Variants in HUS1 observed in about 807,000 individuals in gnomAD.
The protein encoded by HUS1 is checkpoint protein HUS1.
A neutral mutation model predicts 32.6 loss-of-function variants in HUS1; 31 were observed. The ratio of observed to expected loss-of-function variants is 0.95; its 90% CI spans 0.72 to 1.28. The LOEUF is 1.28. Among genes scored for constraint, HUS1 ranks in the 50% most tolerant of loss-of-function variants. The probability of loss-of-function intolerance (pLI) is 0.00; values close to 1 mark genes in which losing one functional copy is unlikely to be tolerated. For synonymous variants in HUS1, 123 were observed against 116.6 expected (o/e 1.06, Z -0.36); for missense variants, 340 against 337.7 (o/e 1.01, Z -0.05).
chr7:47,978,231 T>C (rs955716819), intron 3 of HUS1, 186 bp downstream of exon 3: 12 of 531,968 alleles, frequency 2.3e-5, no homozygotes, highest in Middle Eastern at 1.0e-3. Context: ...ATGCATATGA[T>C]AACAACACAA....
chr7:47,977,111 G>C (rs1380430047), intron 3 of HUS1, among the ~76,000 whole-genome samples: 1 of 152,108 alleles, frequency 6.6e-6, no homozygotes, highest in Non-Finnish European at 1.5e-5. Flanking sequence ...GCAAACAAAT[G>C]AAACTGTATG....
intron 1 of HUS1, 176 bp from the exon 2 acceptor site, chr7:47,978,992 A>C (rs2128766956): frequency 1.6e-6 from 1 of 620,924 alleles, no homozygotes; most frequent in South Asian, 1.9e-5. Context: ...TCTCCCAACA[A>C]ACTAGGGGAG....
chr7:47,978,543 A>G lies in HUS1; in HGVS notation c.231T>C (p.Asn77=). 1 of 1,614,198 alleles carries G rather than the reference A, an allele frequency of 6.2e-7. No homozygotes were observed. The highest frequency in any genetic ancestry group is 2.2e-5 in the East Asian group (1 of 44,886). The change falls in exon 3 of 8, where the codon AAT becomes AAC. Residue 77 remains asparagine, a synonymous_variant. Coordinates refer to ENST00000258774, the MANE Select transcript of HUS1 (RefSeq NM_004507.4). ...FQMEGVSAEN[N]EIYLELTSEN... is the part of the protein sequence containing the mutation. ...CCGATGTTAGCTCTAAATAAATCTCATTGTTTTCTGCAGAGACACCCTCCA... is the reference window on the plus strand; with the variant it reads ...CCGATGTTAGCTCTAAATAAATCTCGTTGTTTTCTGCAGAGACACCCTCCA...
In HUS1 at chr7:47,975,748, C is replaced by G. The variant is rs926874764; in HGVS notation, c.466-61G>C. 5 of 927,464 alleles carry G rather than the reference C, an allele frequency of 5.4e-6. No homozygotes were observed. The African/African-American group carries it at 6.8e-5, about 13-fold the overall frequency. The allele number at this position is 927,464 out of a possible 1,614,324, so 57.5% of individuals were successfully genotyped here. A position where few individuals can be genotyped will look rare whatever the true frequency, so the allele number is the denominator to read the frequency against. ...AAATATTAATATACTCTAGTAATGA[C>G]AAGGGCCCCATAACTAACTCTAGAA... On this transcript the variant is annotated intron_variant, in intron 4 of 7. Transcript: ENST00000258774.
At chr7:47,974,213 G>A (rs909862465) in intron 5 of HUS1, among the ~76,000 whole-genome samples, 3 of 152,162 alleles carry the variant, frequency 2.0e-5, no homozygotes, top group African/African-American at 7.2e-5. Context: ...ACTTATTGCT[G>A]CCTACTGAGT....
chr7:47,971,880 A>C (rs1430104144), intron 5 of HUS1, among the ~76,000 whole-genome samples: 3 of 152,188 alleles, frequency 2.0e-5, no homozygotes, highest in Admixed American at 2.0e-4. Flanking sequence ...TATTCCTTAA[A>C]ATTGGTGAAC....
chr7:47,979,380 C>T (rs1057448010), intron 1 of HUS1, 88 bp downstream of exon 1: 2 of 1,545,120 alleles, frequency 1.3e-6, no homozygotes, highest in Non-Finnish European at 1.8e-6. Flanking sequence ...GGCGCCCATC[C>T]CCGTTCTGAT....
At position 47,971,541 on chromosome 7, in the gene HUS1, T is replaced by C. The variant is rs761467945; in HGVS notation, c.541-2223A>G. The C allele has an allele frequency of 1.8e-5, 8 of 456,582 alleles. No homozygotes were observed. The East Asian group carries it at 5.6e-4, about 32-fold the overall frequency. 28.3% of individuals were successfully genotyped at this position (456,582 alleles called of 1,614,324 possible). On this transcript the variant is annotated intron_variant, in intron 5 of 7. Transcript: ENST00000258774. ...CCTAGAAGTGAAGCATATGCCACAG[T>C]ATGGTTTGAGGTTTTGCTAACCTAT...
Position 47,976,749 on chromosome 7 carries a change from G to A in HUS1, c.446C>T (p.Pro149Leu), listed in dbSNP as rs765725449. 65 of 1,609,822 alleles carry A rather than the reference G, an allele frequency of 4.0e-5. No individual in the cohort carries two copies. The African/African-American group carries it at 5.7e-4, about 14-fold the overall frequency. The change falls in exon 4 of 8, where the codon CCG becomes CTG. Residue 149 changes from proline (P) to leucine (L), a missense_variant. Coordinates refer to ENST00000258774, the MANE Select transcript of HUS1 (RefSeq NM_004507.4). Reference protein sequence around the residue: ...PRKLWKDLQEPVVPDPDVSIY... With the variant: ...PRKLWKDLQELVVPDPDVSIY... ...ACCTACATCAGGATCTGGGACCACC[G>A]GTTCTTGTAAGTCCTTCCACAATTT...
intron 7 of HUS1, 96 bp from the exon 8 acceptor site, chr7:47,965,534 GT>G: frequency 1.3e-6 from 1 of 773,064 alleles, no homozygotes; most frequent in Non-Finnish European, 2.2e-6. Context: ...TGCACCTCCT[GT>G]TTTAGGCATC....
At chr7:47,979,336 C>T (rs1788776724) in intron 1 of HUS1, 132 bp downstream of exon 1, 1 of 934,802 alleles carries the variant, frequency 1.1e-6, no homozygotes. Context: ...CACCAGCACC[C>T]CCATCCCGGC....
At chr7:47,967,750 C>G (rs2128764588) in intron 7 of HUS1, 56 bp downstream of exon 7, 1 of 1,451,740 alleles carries the variant, frequency 6.9e-7, no homozygotes, top group Non-Finnish European at 9.4e-7. Context: ...CTAGAGTTGA[C>G]TGCAGTATTT....
intron 7 of HUS1, among the ~76,000 whole-genome samples, chr7:47,966,051 A>G (rs532813892): frequency 6.6e-6 from 1 of 151,708 alleles, no homozygotes; most frequent in South Asian, 2.1e-4. Context: ...TGAGTGAGTG[A>G]CAAGAAACCA....
At chr7:47,975,855 A>G (rs1349855223) in intron 4 of HUS1, among the ~76,000 whole-genome samples, 168 bp from the exon 5 acceptor site, 1 of 152,246 alleles carries the variant, frequency 6.6e-6, no homozygotes, top group Non-Finnish European at 1.5e-5. Flanking sequence ...AAGAAAACCA[A>G]TTCTATTTCA....
At chr7:47,966,809 G>A (rs1004101937) in intron 7 of HUS1, among the ~76,000 whole-genome samples, 1 of 152,120 alleles carries the variant, frequency 6.6e-6, no homozygotes, top group South Asian at 2.1e-4. Context: ...TTAAAATGCA[G>A]CACAGGTACC....
rs1044544136 is a variant in HUS1 at position 47,979,586 on chromosome 7, C to T, written c.-67G>A. ...AGAAAAGCGTCGCGCCCTGAGTGTCCCCGCCCGGAAACACGGCAGCGCGAA... is the reference window on the plus strand; with the variant it reads ...AGAAAAGCGTCGCGCCCTGAGTGTCTCCGCCCGGAAACACGGCAGCGCGAA... On this transcript the variant is annotated 5_prime_UTR_variant, in exon 1 of 8. Transcript: ENST00000258774. The T allele has an allele frequency of 2.3e-5, 30 of 1,284,318 alleles. No homozygotes were observed. In the African/African-American group the frequency reaches 4.2e-4, roughly 18 times the overall value. 79.6% of individuals were successfully genotyped at this position (1,284,318 alleles called of 1,614,324 possible). A position where few individuals can be genotyped will look rare whatever the true frequency, so the allele number is the denominator to read the frequency against.
chr7:47,966,126 G>C (rs944212106), intron 7 of HUS1, among the ~76,000 whole-genome samples: 4 of 51,046 alleles, frequency 7.8e-5, no homozygotes, highest in African/African-American at 5.3e-4. Context: ...GACCAGAAAG[G>C]ACAAGCAGGA....
rs774286190 is a variant in HUS1 at position 47,975,672 on chromosome 7, G to A, written c.481C>T (p.Pro161Ser). 10 of 1,587,890 alleles carry A rather than the reference G, an allele frequency of 6.3e-6. No homozygotes were observed. Among genetic ancestry groups the A allele is most frequent in the Non-Finnish European group, 8.6e-6 (10 of 1,160,698 alleles). The change falls in exon 5 of 8, where the codon CCA becomes TCA. Residue 161 changes from proline to serine, a missense_variant. Coordinates refer to ENST00000258774, the MANE Select transcript of HUS1 (RefSeq NM_004507.4). The part of the protein sequence containing the change: ...VPDPDVSIYL[P>S]VLKTMKSVVE... ...ACACTCTTCATAGTCTTCAAGACTG[G>A]TAAATAAATACTAACCTACAAAACC...
Position 47,979,567 on chromosome 7 carries a change from G to A in HUS1, c.-48C>T. On this transcript the variant is annotated 5_prime_UTR_variant, in exon 1 of 8. Transcript: ENST00000258774. ...GCGGGCCTCTGTGGGTAACAGAAAA[G>A]CGTCGCGCCCTGAGTGTCCCCGCCC... 6.7e-7 allele frequency: 1 copy of A among 1,493,332 alleles called. No individual in the cohort carries two copies. Among genetic ancestry groups the A allele is most frequent in the East Asian group, 2.3e-5 (1 of 44,320 alleles). 92.5% of individuals were successfully genotyped at this position (1,493,332 alleles called of 1,614,324 possible).
Sources: allele counts gnomAD v4.1 joint callset (sites outside exome capture counted in the v4.1 genomes callset), GRCh38; gene constraint gnomAD v4.1.1; transcripts MANE v1.5; gene names NCBI Gene and HGNC (gene_info 2026-07-23, HGNC 2026-07-21).